The following MTMR7 variants were observed in gnomAD, a reference collection of about 807,000 sequenced individuals.
MTMR7 encodes the protein myotubularin related protein 7.
MTMR7 carries 76 observed loss-of-function variants against 81.2 expected under a neutral mutation model. The observed-to-expected ratio is 0.94, with a 90% CI of 0.78 to 1.13. MTMR7 has a LOEUF of 1.13. MTMR7 is among the 50% of genes most tolerant of loss of function. The pLI, the probability that MTMR7 is intolerant of heterozygous loss-of-function variation, is 0.00. For missense variants in MTMR7, 1,044 were observed against 820.0 expected, an observed-to-expected ratio of 1.27 and a Z score of -3.34; for synonymous variants, 372 against 289.8, an observed-to-expected ratio of 1.28 and a Z score of -2.88.
intron 5 of MTMR7, chr8:17,346,079 A>G (rs1819543143): frequency 6.6e-6 from 1 of 152,250 alleles, no homozygotes; most frequent in Non-Finnish European, 1.5e-5. Context: ...GACAGCACAG[A>G]TAACTACTCT....
chr8:17,351,966 G>C (rs1819743116), intron 4 of MTMR7, among the ~76,000 whole-genome samples: 1 of 151,608 alleles, frequency 6.6e-6, no homozygotes, highest in South Asian at 2.1e-4. Context: ...ACAAGTAAAT[G>C]GTAAGATACC....
chr8:17,307,250 G>A (rs1181108888), intron 10 of MTMR7, among the ~76,000 whole-genome samples: 3 of 152,162 alleles, frequency 2.0e-5, no homozygotes, highest in Admixed American at 2.0e-4. Context: ...CTTCTCAAAA[G>A]AAGACATTTA....
chr8:17,375,940 T>G (rs1184196622), intron 1 of MTMR7, among the ~76,000 whole-genome samples: 1 of 152,224 alleles, frequency 6.6e-6, no homozygotes, highest in African/African-American at 2.4e-5. Context: ...TTCACCCATT[T>G]AAATGTACTA....
intron 1 of MTMR7, among the ~76,000 whole-genome samples, chr8:17,409,968 A>G (rs1189530753): frequency 6.6e-6 from 1 of 152,174 alleles, no homozygotes; most frequent in Admixed American, 6.5e-5. Flanking sequence ...AGGCTGGAGA[A>G]GTAGGAAGGG....
intron 1 of MTMR7, among the ~76,000 whole-genome samples, chr8:17,403,571 C>T (rs1042237566): frequency 7.9e-5 from 12 of 152,098 alleles, no homozygotes; most frequent in African/African-American, 2.9e-4. Flanking sequence ...TCTTTTGTTA[C>T]TCTATGTAAC....
chr8:17,380,290 T>C (rs73209002), intron 1 of MTMR7, among the ~76,000 whole-genome samples: 13,524 of 152,192 alleles, frequency 0.089, 784 homozygotes, highest in African/African-American at 0.16. Context: ...AAATATTTTT[T>C]GATATTCGAC....
At chr8:17,305,694 A>G in intron 11 of MTMR7, 63 bp downstream of exon 11, 1 of 1,437,998 alleles carries the variant, frequency 7.0e-7, no homozygotes, top group African/African-American at 1.4e-5. Flanking sequence ...AAGGCCACCT[A>G]AAATTCTCAG....
intron 1 of MTMR7, among the ~76,000 whole-genome samples, chr8:17,403,684 T>C (rs796762439): frequency 1.3e-5 from 2 of 151,912 alleles, no homozygotes; most frequent in Non-Finnish European, 2.9e-5. Flanking sequence ...TAACAATATT[T>C]ATTCTTCCAA....
intron 11 of MTMR7, among the ~76,000 whole-genome samples, chr8:17,304,782 T>TG (rs1174877093): frequency 6.6e-6 from 1 of 151,682 alleles, no homozygotes; most frequent in African/African-American, 2.4e-5. Flanking sequence ...GCTGTTCTTT[T>TG]GGGGGGAGTT....
At chr8:17,301,957 T>G in intron 13 of MTMR7, 197 bp downstream of exon 13, 1 of 573,194 alleles carries the variant, frequency 1.7e-6, no homozygotes, top group Non-Finnish European at 2.9e-6. Context: ...ACAAACCAGA[T>G]GTGTGAAATG....
At chr8:17,308,766 C>A (rs959113266) in intron 10 of MTMR7, among the ~76,000 whole-genome samples, 8 of 152,124 alleles carry the variant, frequency 5.3e-5, no homozygotes, top group African/African-American at 1.9e-4. Flanking sequence ...GCCCAGACGT[C>A]CAAGGCCAGA....
chr8:17,319,616 G>A (rs1326440167), intron 7 of MTMR7, among the ~76,000 whole-genome samples: 1 of 152,136 alleles, frequency 6.6e-6, no homozygotes, highest in Non-Finnish European at 1.5e-5. Context: ...GCTTTATATA[G>A]ATTAGCTTTA....
In MTMR7 at chr8:17,373,312, G is replaced by A. The variant is rs916774995; in HGVS notation, c.25-72C>T. 14 of 1,506,568 alleles carry A rather than the reference G, an allele frequency of 9.3e-6. No homozygotes were observed. The African/African-American group carries it at 9.8e-5, about 11-fold the overall frequency. The allele number at this position is 1,506,568 out of a possible 1,614,324, so 93.3% of individuals were successfully genotyped here. ...CAATTCACGAAATAAATGATAACAG[G>A]GTAAACTCACACTTACTCCAAAATA... is the stretch of plus-strand genomic sequence containing the variant. On this transcript the variant is annotated intron_variant, in intron 1 of 13. Transcript: ENST00000180173.
intron 13 of MTMR7, chr8:17,301,881 C>T: frequency 2.3e-6 from 1 of 433,876 alleles, no homozygotes; most frequent in Non-Finnish European, 4.0e-6. Context: ...TTACTACTCT[C>T]AAATAACAGT....
At position 17,327,803 on chromosome 8, in the gene MTMR7, T is replaced by C. The variant is rs1184045089; in HGVS notation, c.865+3347A>G. Among the ~76,000 whole-genome samples the C allele has an allele frequency of 2.6e-5, 4 of 152,352 alleles. 1 individual carries two copies. In the South Asian group the frequency reaches 6.2e-4, roughly 24 times the overall value. On this transcript the variant is annotated intron_variant, in intron 7 of 13. Coordinates refer to ENST00000180173, the MANE Select transcript of MTMR7 (RefSeq NM_004686.5). Reference sequence around the variant, plus strand: ...GCAAATGGTACTTTGAGGTTTTAACTTACATTTCTCTAATTACCAGAGCAA... The same window carrying C: ...GCAAATGGTACTTTGAGGTTTTAACCTACATTTCTCTAATTACCAGAGCAA...
rs1821017526 is a variant in MTMR7, at chr8:17,388,717, G to A, written c.25-15477C>T. On this transcript the variant is annotated intron_variant, in intron 1 of 13. Transcript: ENST00000180173. The stretch of plus-strand genomic sequence containing the variant: ...CCAAATAGAACTTACTAACCAAAGG[G>A]AGGAGAAAGCCCAGGCACAGAGAGA... Among the ~76,000 whole-genome samples, 3 of 141,418 alleles carry A rather than the reference G, an allele frequency of 2.1e-5. No homozygotes were observed. In the South Asian group the frequency reaches 7.1e-4, roughly 34 times the overall value. The allele number at this position is 141,418 out of a possible 152,430, so 92.8% of individuals were successfully genotyped here.
intron 3 of MTMR7, among the ~76,000 whole-genome samples, chr8:17,370,537 C>T (rs191719931): frequency 9.2e-5 from 10 of 108,234 alleles, no homozygotes; most frequent in East Asian, 2.9e-4. Flanking sequence ...GCCTGGGCGA[C>T]GGAGAAAAAG....
intron 1 of MTMR7, among the ~76,000 whole-genome samples, chr8:17,383,676 C>A (rs1179545340): frequency 6.6e-6 from 1 of 152,176 alleles, no homozygotes; most frequent in African/African-American, 2.4e-5. Flanking sequence ...GCTCTAGCTA[C>A]AGCTAAAAGA....
chr8:17,401,718 G>T (rs982042216), intron 1 of MTMR7, among the ~76,000 whole-genome samples: 9 of 152,066 alleles, frequency 5.9e-5, no homozygotes, highest in African/African-American at 1.9e-4. Flanking sequence ...GGAGTGAAGG[G>T]TAACTCCAAA....
Sources: gnomAD v4.1 joint callset for allele counts (sites outside exome capture counted in the v4.1 genomes callset) on GRCh38, gnomAD v4.1.1 for gene constraint, MANE v1.5 for transcripts, NCBI Gene and HGNC (gene_info 2026-07-23, HGNC 2026-07-21) for gene names.